The following PCDHA7 variants were observed in gnomAD, a reference collection of about 807,000 sequenced individuals.
PCDHA7 encodes the protein protocadherin alpha 7.
PCDHA7 carries 37 observed loss-of-function variants against 57.2 expected under a neutral mutation model. The ratio of observed to expected loss-of-function variants is 0.65; its 90% CI spans 0.50 to 0.85. The LOEUF is 0.85. Among genes scored for constraint, PCDHA7 ranks in the 40% least tolerant of loss-of-function variants. The probability of loss-of-function intolerance (pLI) is 0.00; values close to 1 mark genes in which losing one functional copy is unlikely to be tolerated. For synonymous variants in PCDHA7, 553 were observed against 558.8 expected (o/e 0.99, Z 0.15); for missense variants, 1,188 against 1,241.8 (o/e 0.96, Z 0.65).
intron 1 of PCDHA7, chr5:140,848,435 A>G: frequency 6.8e-7 from 1 of 1,473,142 alleles, no homozygotes; most frequent in Non-Finnish European, 9.3e-7. Flanking sequence ...TGACGAAATC[A>G]GATGATTTCT....
At position 140,894,665 on chromosome 5, in the gene PCDHA7, G is replaced by T. The variant is rs189476056; in HGVS notation, c.2355+57927G>T. Among the ~76,000 whole-genome samples, 418 of 151,474 alleles carry T rather than the reference G, an allele frequency of 2.8e-3. 2 individuals are homozygous for T. Among genetic ancestry groups the T allele is most frequent in the Middle Eastern group, 0.011 (3 of 280 alleles). On this transcript the variant is annotated intron_variant, in intron 1 of 3. Transcript: ENST00000525929. ...CTGAGTCTCTCTAATTCTGATTTGT[G>T]TATTCTTGCATAGCTTTTCATTATT...
At chr5:140,979,922 A>T (rs1317860679) in intron 2 of PCDHA7, among the ~76,000 whole-genome samples, 1 of 152,276 alleles carries the variant, frequency 6.6e-6, no homozygotes, top group Non-Finnish European at 1.5e-5. Flanking sequence ...GAGAAAGCCT[A>T]CAAAGTATGT....
chr5:140,989,215 C>T (rs1162430361), intron 3 of PCDHA7, among the ~76,000 whole-genome samples: 1 of 152,108 alleles, frequency 6.6e-6, no homozygotes, highest in Non-Finnish European at 1.5e-5. Flanking sequence ...CTTTATACAC[C>T]ATTCTTTGTA....
chr5:140,849,597 G>T lies in PCDHA7; in HGVS notation c.2355+12859G>T, dbSNP rs2150442042. 77 of 1,598,656 alleles carry T rather than the reference G, an allele frequency of 4.8e-5. 9 individuals carry two copies. Among genetic ancestry groups the T allele is most frequent in the Admixed American group, 4.4e-4 (26 of 59,274 alleles). On this transcript the variant is annotated intron_variant, in intron 1 of 3. Transcript: ENST00000525929. ...AAAAGAGGACGCACAACTGGGGACA[G>T]TTATTGCCCTGATTAGTGTGATCGA...
chr5:141,001,359 T>C (rs186629026), intron 3 of PCDHA7, among the ~76,000 whole-genome samples: 4 of 152,344 alleles, frequency 2.6e-5, no homozygotes, highest in Admixed American at 1.3e-4. Context: ...GGTTTAAGCC[T>C]ACTATTCTGA....
intron 1 of PCDHA7, among the ~76,000 whole-genome samples, chr5:140,914,462 G>A (rs1554196374): frequency 6.6e-6 from 1 of 152,068 alleles, no homozygotes; most frequent in East Asian, 1.9e-4. Context: ...CAGTCTATGT[G>A]TATCTTCATA....
intron 1 of PCDHA7, among the ~76,000 whole-genome samples, chr5:140,940,808 T>C (rs781904662): frequency 3.3e-5 from 5 of 152,232 alleles, no homozygotes; most frequent in Non-Finnish European, 7.3e-5. Context: ...TGCCAGGATA[T>C]CCTGAGATCT....
In PCDHA7 at chr5:140,842,710, C is replaced by T. The variant is rs2150342683; in HGVS notation, c.2355+5972C>T. On this transcript the variant is annotated intron_variant, in intron 1 of 3. Coordinates refer to ENST00000525929, the MANE Select transcript of PCDHA7 (RefSeq NM_018910.3). ...TCGCGCAGCCCGAGTACACGGTGTT[C>T]GTGAAGGAGAACAACCCGCCGGGCT... The T allele has an allele frequency of 1.4e-5, 23 of 1,595,008 alleles. 3 individuals carry two copies. The Admixed American group carries it at 3.2e-4, about 22-fold the overall frequency.
rs371960819 is a variant in PCDHA7, at chr5:140,928,197, T to C, written c.2356-50752T>C. The C allele has an allele frequency of 1.9e-5, 30 of 1,614,192 alleles. 1 individual carries two copies. In the African/African-American group the frequency reaches 2.0e-4, roughly 11 times the overall value. On this transcript the variant is annotated intron_variant, in intron 1 of 3. Coordinates refer to ENST00000525929, the MANE Select transcript of PCDHA7 (RefSeq NM_018910.3). Reference sequence around the variant, plus strand: ...CCCGAAGGACAATCACTGTGTCAGTTGCTGATGTGAATGACAATACACCAA... The same window carrying C: ...CCCGAAGGACAATCACTGTGTCAGTCGCTGATGTGAATGACAATACACCAA...
intron 1 of PCDHA7, among the ~76,000 whole-genome samples, chr5:140,943,614 A>G (rs1269579212): frequency 6.6e-6 from 1 of 152,220 alleles, no homozygotes; most frequent in Admixed American, 6.5e-5. Context: ...ACTTTGATTC[A>G]TCTGCATAAG....
At chr5:140,912,243 AATCTCCTTTGATGAC>A (rs2075829981) in intron 1 of PCDHA7, among the ~76,000 whole-genome samples, 1 of 152,012 alleles carries the variant, frequency 6.6e-6, no homozygotes, top group Admixed American at 6.6e-5. Context: ...CTCAAATGTT[AATCTCCTTTGATGAC>A]ACCCTCACAG....
chr5:140,841,780 G>A (rs2150322576), intron 1 of PCDHA7: 4 of 1,613,890 alleles, frequency 2.5e-6, no homozygotes, highest in East Asian at 2.2e-5. Flanking sequence ...CTCGGTTTCC[G>A]CTAGAGGGCG....
At chr5:140,959,570 T>C (rs1324858058) in intron 1 of PCDHA7, among the ~76,000 whole-genome samples, 1 of 152,184 alleles carries the variant, frequency 6.6e-6, no homozygotes. Context: ...ACTAGATTTT[T>C]TGTTTCAATT....
chr5:140,853,936 A>G, intron 1 of PCDHA7: 1 of 845,796 alleles, frequency 1.2e-6, no homozygotes, highest in Non-Finnish European at 1.5e-6. Context: ...TGGGAGGCCA[A>G]GGTGGGAGGG....
intron 1 of PCDHA7, among the ~76,000 whole-genome samples, chr5:140,960,750 A>C (rs1367583531): frequency 6.6e-6 from 1 of 152,048 alleles, no homozygotes; most frequent in African/African-American, 2.4e-5. Context: ...CATGGCTAAA[A>C]TCCCAAGAGT....
chr5:140,877,236 C>T, intron 1 of PCDHA7: 8 of 1,613,686 alleles, frequency 5.0e-6, no homozygotes, highest in Non-Finnish European at 6.8e-6. Context: ...TGGGTGCGGG[C>T]CACGTGGTGG....
At position 140,834,558 on chromosome 5, in the gene PCDHA7, C is replaced by G. The variant is rs2150220968; in HGVS notation, c.175C>G (p.Leu59Val). ...AQDLGLELAELVPRLFRAVCK... is the reference protein window; with the variant it reads ...AQDLGLELAEVVPRLFRAVCK... Reference sequence around the variant, plus strand: ...GGACCTGGGGCTGGAGCTGGCGGAGCTGGTGCCGCGCCTGTTCCGGGCGGT... The same window carrying G: ...GGACCTGGGGCTGGAGCTGGCGGAGGTGGTGCCGCGCCTGTTCCGGGCGGT... Residue 59 changes from leucine (L) to valine (V), a missense_variant, in exon 1 of 4, where the codon CTG (leucine) becomes GTG (valine). This residue lies in a region of PCDHA7 where 194 missense variants were observed against 185.8 expected (regional missense o/e 1.04). Transcript: ENST00000525929. The G allele has an allele frequency of 6.2e-7, 1 of 1,614,104 alleles. No homozygotes were observed. Among genetic ancestry groups the G allele is most frequent in the East Asian group, 2.2e-5 (1 of 44,894 alleles).
At chr5:140,987,941 G>A (rs1554249697) in intron 3 of PCDHA7, among the ~76,000 whole-genome samples, 1 of 152,104 alleles carries the variant, frequency 6.6e-6, no homozygotes, top group African/African-American at 2.4e-5. Flanking sequence ...ATTCTTACCT[G>A]TCTGACAAAA....
Position 141,010,391 on chromosome 5 carries a change from C to T in PCDHA7, c.*454C>T, listed in dbSNP as rs976643195. The T allele has an allele frequency of 2.2e-5, 30 of 1,386,642 alleles. No homozygotes were observed. Among genetic ancestry groups the T allele is most frequent in the South Asian group, 2.9e-5 (2 of 68,924 alleles). The allele number at this position is 1,386,642 out of a possible 1,614,324, so 85.9% of individuals were successfully genotyped here. A position where few individuals can be genotyped will look rare whatever the true frequency, so the allele number is the denominator to read the frequency against. The stretch of plus-strand genomic sequence containing the variant: ...TGCGAGTGCCAGATATTGGCTGAGA[C>T]GAGCCAGCTTAGACTAATTGGTACA... On this transcript the variant is annotated 3_prime_UTR_variant, in exon 4 of 4. Transcript: ENST00000525929.
Sources: allele counts gnomAD v4.1 joint callset (sites outside exome capture counted in the v4.1 genomes callset), GRCh38; gene constraint gnomAD v4.1.1; regional missense constraint gnomAD v4.1.1; transcripts MANE v1.5; gene names NCBI Gene and HGNC (gene_info 2026-07-23, HGNC 2026-07-21).